SYNE2: variants seen among roughly 807,000 people sequenced by gnomAD.
SYNE2 encodes the protein nesprin-2.
In SYNE2, 431 loss-of-function variants were observed where a neutral mutation model predicts 856.3. That is an observed-to-expected ratio of 0.50 (90% CI 0.47 to 0.55). The LOEUF is 0.55. Among genes scored for constraint, SYNE2 ranks in the 20% least tolerant of loss-of-function variants. The pLI is 0.00. For missense variants in SYNE2, 8,129 were observed against 8,023.2 expected, an observed-to-expected ratio of 1.01 and a Z score of -0.50; for synonymous variants, 2,923 against 2,872.3, an observed-to-expected ratio of 1.02 and a Z score of -0.56.
At chr14:63,955,731 G>A (rs1227542029) in intron 8 of SYNE2, among the ~76,000 whole-genome samples, 3 of 152,210 alleles carry the variant, frequency 2.0e-5, no homozygotes, top group African/African-American at 4.8e-5. Flanking sequence ...TGATATTAAG[G>A]AATATGTATT....
intron 1 of SYNE2, among the ~76,000 whole-genome samples, chr14:63,819,098 C>T (rs1889118286): frequency 6.6e-6 from 1 of 150,728 alleles, no homozygotes; most frequent in Non-Finnish European, 1.5e-5. Flanking sequence ...AGTGGTAAAA[C>T]TGCTTATATC....
chr14:64,046,883 G>A (rs1482900346), intron 45 of SYNE2, among the ~76,000 whole-genome samples: 2 of 152,226 alleles, frequency 1.3e-5, no homozygotes, highest in Admixed American at 1.3e-4. Context: ...AGTGGCACCT[G>A]GGTGAGGGTG....
rs780336791 is a variant in SYNE2 at position 64,208,863 on chromosome 14, T to C, written c.18307T>C (p.Cys6103Arg). 3 of 1,613,840 alleles carry C rather than the reference T, an allele frequency of 1.9e-6. No homozygotes were observed. Among genetic ancestry groups the C allele is most frequent in the Non-Finnish European group, 2.5e-6 (3 of 1,179,982 alleles). Residue 6103 changes from cysteine to arginine, a missense_variant, in exon 101 of 116, where the codon TGT (cysteine) becomes CGT (arginine). Around this residue, in one of 3 missense-constraint regions of SYNE2, gnomAD observed 5,410 missense variants for 5,284.8 expected, o/e 1.02. Transcript: ENST00000555002. ...DSDACANETE[C>R]DSIQQTTRSL... ...CGATGCCTGTGCAAATGAGACCGAGTGTGACTCGATCCAGCAGACCACCAG... is the reference window on the plus strand; with the variant it reads ...CGATGCCTGTGCAAATGAGACCGAGCGTGACTCGATCCAGCAGACCACCAG...
intron 108 of SYNE2, 64 bp downstream of exon 108, chr14:64,216,451 A>G: frequency 6.3e-7 from 1 of 1,583,464 alleles, no homozygotes; most frequent in Non-Finnish European, 8.7e-7. Context: ...TTTGCAAGAG[A>G]GAGAGATTTT....
At chr14:63,968,313 G>T (rs2096424430) in intron 11 of SYNE2, among the ~76,000 whole-genome samples, 1 of 152,098 alleles carries the variant, frequency 6.6e-6, no homozygotes, top group Admixed American at 6.5e-5. Flanking sequence ...GCATCATTTG[G>T]GTAGTGGTCC....
chr14:64,018,244 T>G (rs780387985), intron 34 of SYNE2, among the ~76,000 whole-genome samples: 4 of 152,088 alleles, frequency 2.6e-5, no homozygotes, highest in Non-Finnish European at 5.9e-5. Context: ...GACTTTTTCT[T>G]TTCTCTTTTT....
intron 100 of SYNE2, among the ~76,000 whole-genome samples, chr14:64,206,832 AG>A (rs1465597531): frequency 1.1e-5 from 1 of 91,416 alleles, no homozygotes; most frequent in Admixed American, 9.3e-5. Context: ...ATTAATGATT[AG>A]TATTATTTAT....
intron 105 of SYNE2, 56 bp downstream of exon 105, chr14:64,213,061 C>G: frequency 6.3e-7 from 1 of 1,593,060 alleles, no homozygotes; most frequent in Non-Finnish European, 8.6e-7. Context: ...TTACGTGAGA[C>G]CAAATTTTTA....
At chr14:64,203,517 C>T (rs1009134155) in intron 100 of SYNE2, among the ~76,000 whole-genome samples, 2 of 152,194 alleles carry the variant, frequency 1.3e-5, no homozygotes, top group Non-Finnish European at 2.9e-5. Context: ...TTGAAAGCTG[C>T]TGAGTTCTGC....
chr14:63,858,178 C>T (rs1435259682), intron 1 of SYNE2, among the ~76,000 whole-genome samples: 3 of 147,354 alleles, frequency 2.0e-5, no homozygotes, highest in Non-Finnish European at 4.5e-5. Flanking sequence ...TGCAGTGACA[C>T]AGTCTCAGCT....
At chr14:64,180,149 A>G (rs1310336131) in intron 96 of SYNE2, among the ~76,000 whole-genome samples, 2 of 152,202 alleles carry the variant, frequency 1.3e-5, no homozygotes, top group Admixed American at 6.5e-5. Context: ...CCAAATTTCC[A>G]TAAACGCAGG....
rs565185521 is a variant in SYNE2, at chr14:64,020,232, A to G, written c.5151+139A>G. 101 of 661,322 alleles carry G rather than the reference A, an allele frequency of 1.5e-4. 1 individual carries two copies. In the African/African-American group the frequency reaches 1.7e-3, roughly 11 times the overall value. 41.0% of individuals were successfully genotyped at this position (661,322 alleles called of 1,614,324 possible). A position where few individuals can be genotyped will look rare whatever the true frequency, so the allele number is the denominator to read the frequency against. ...AACGGCCCAATTAAAGATTCTCTAT[A>G]ACAGGGGTGTCCTGTCTTTTGGCTT... On this transcript the variant is annotated intron_variant, in intron 35 of 115. Transcript: ENST00000555002.
At chr14:63,779,526 T>C (rs1016317274) in intron 1 of SYNE2, among the ~76,000 whole-genome samples, 6 of 151,498 alleles carry the variant, frequency 4.0e-5, no homozygotes, top group Non-Finnish European at 7.4e-5. Context: ...TATTGAATTA[T>C]TTTTTGTAAG....
intron 83 of SYNE2, 89 bp downstream of exon 83, chr14:64,144,037 C>G: frequency 1.4e-6 from 2 of 1,475,058 alleles, no homozygotes; most frequent in East Asian, 4.5e-5. Flanking sequence ...AATTAGTTGA[C>G]TGATTATTAA....
intron 31 of SYNE2, among the ~76,000 whole-genome samples, chr14:64,008,898 CG>C (rs2096821882): frequency 6.6e-6 from 1 of 152,116 alleles, no homozygotes; most frequent in Admixed American, 6.6e-5. Flanking sequence ...GACCTATTTG[CG>C]GGGGTTAATC....
At chr14:64,043,453 A>T (rs2097163497) in intron 45 of SYNE2, among the ~76,000 whole-genome samples, 1 of 152,160 alleles carries the variant, frequency 6.6e-6, no homozygotes, top group Non-Finnish European at 1.5e-5. Flanking sequence ...GGCATGTCAG[A>T]GGTCTTCACA....
upstream of SYNE2, among the ~76,000 whole-genome samples, chr14:63,848,003 C>G (rs1373101941): frequency 1.3e-5 from 2 of 152,210 alleles, no homozygotes; most frequent in Admixed American, 1.3e-4. Context: ...TCTCCTGCCT[C>G]AGCCTCCTAA....
intron 1 of SYNE2, among the ~76,000 whole-genome samples, chr14:63,817,684 A>T (rs992850700): frequency 1.3e-5 from 2 of 152,186 alleles, no homozygotes; most frequent in African/African-American, 4.8e-5. Flanking sequence ...CTCTCAATAC[A>T]TGCAGAAAAA....
At chr14:64,063,022 G>A in intron 50 of SYNE2, 127 bp downstream of exon 50, 1 of 1,105,434 alleles carries the variant, frequency 9.0e-7, no homozygotes, top group African/African-American at 1.5e-5. Context: ...AAATATCCAT[G>A]AATATTCCTC....
Sources: gnomAD v4.1 joint callset for allele counts (sites outside exome capture counted in the v4.1 genomes callset) on GRCh38, gnomAD v4.1.1 for gene constraint, gnomAD v4.1.1 regional missense constraint, MANE v1.5 for transcripts, NCBI Gene and HGNC (gene_info 2026-07-23, HGNC 2026-07-21) for gene names.